The following ADAMTS5 variants were observed in gnomAD, a reference collection of about 807,000 sequenced individuals.
ADAMTS5 encodes ADAM metallopeptidase with thrombospondin type 1 motif 5, also known as A disintegrin and metalloproteinase with thrombospondin motifs 5.
ADAMTS5 carries 54 observed loss-of-function variants against 81.4 expected under a neutral mutation model. The ratio of observed to expected loss-of-function variants is 0.66; its 90% CI spans 0.53 to 0.83. ADAMTS5 has a LOEUF of 0.83. Ranked by LOEUF, ADAMTS5 falls within the 40% of genes least tolerant of loss-of-function variation. The pLI is 0.00. For missense variants in ADAMTS5, 1,194 were observed against 1,229.9 expected (o/e 0.97, Z 0.44); for synonymous variants, 532 against 508.8 (o/e 1.05, Z -0.61).
chr21:26,931,628 C>T (rs1986908198), intron 6 of ADAMTS5, among the ~76,000 whole-genome samples: 1 of 152,086 alleles, frequency 6.6e-6, no homozygotes, highest in Non-Finnish European at 1.5e-5. Flanking sequence ...TTAAGTAAAT[C>T]ATAGAAAAAT....
intron 5 of ADAMTS5, among the ~76,000 whole-genome samples, chr21:26,932,472 T>C (rs1016553838): frequency 6.6e-5 from 10 of 152,014 alleles, no homozygotes; most frequent in African/African-American, 2.2e-4. Flanking sequence ...GGAGGGTGGA[T>C]CACAAGGTCA....
At chr21:26,956,966 T>C (rs1181074662) in intron 1 of ADAMTS5, among the ~76,000 whole-genome samples, 1 of 152,174 alleles carries the variant, frequency 6.6e-6, no homozygotes, top group African/African-American at 2.4e-5. Context: ...GCACTTGTTA[T>C]TTTTTTAACC....
Position 26,923,479 on chromosome 21 carries a change from T to C in ADAMTS5, c.*574A>G, listed in dbSNP as rs1986739778. 6.5e-6 allele frequency: 1 copy of C among 152,738 alleles called. No individual in the cohort carries two copies. Among genetic ancestry groups the C allele is most frequent in the South Asian group, 2.1e-4 (1 of 4,840 alleles). 9.5% of individuals were successfully genotyped at this position (152,738 alleles called of 1,614,324 possible). A position where few individuals can be genotyped will look rare whatever the true frequency, so the allele number is the denominator to read the frequency against. Reference sequence around the variant, plus strand: ...TATCTCCTGTAGTCAGAAAATATACTACATCTTATTAAAACAGCAGCAAGT... The same window carrying C: ...TATCTCCTGTAGTCAGAAAATATACCACATCTTATTAAAACAGCAGCAAGT... On this transcript the variant is annotated 3_prime_UTR_variant, in exon 8 of 8. Coordinates refer to ENST00000284987, the MANE Select transcript of ADAMTS5 (RefSeq NM_007038.5).
intron 7 of ADAMTS5, among the ~76,000 whole-genome samples, chr21:26,927,391 C>T (rs898817335): frequency 2.0e-5 from 3 of 152,072 alleles, no homozygotes; most frequent in East Asian, 3.9e-4. Context: ...TGTACATTTA[C>T]GGTAGCCACC....
Position 26,943,477 on chromosome 21 carries a change from C to T in ADAMTS5, c.1308G>A (p.Lys436=). The T allele has an allele frequency of 6.2e-7, 1 of 1,613,738 alleles. No individual in the cohort carries two copies. Among genetic ancestry groups the T allele is most frequent in the Non-Finnish European group, 8.5e-7 (1 of 1,179,764 alleles). ...TGGTAAGGATGGAAGACATTAAGCG[C>T]TTATCTTCTGTGGAACCAAAGGTCT... ...CEETFGSTED[K]RLMSSILTSI... is the part of the protein sequence containing the mutation. Residue 436 remains lysine (K), a synonymous_variant, in exon 3 of 8, where the codon AAG becomes AAA. Coordinates refer to ENST00000284987, the MANE Select transcript of ADAMTS5 (RefSeq NM_007038.5).
chr21:26,959,399 G>T (rs1324603374), intron 1 of ADAMTS5, among the ~76,000 whole-genome samples: 1 of 152,096 alleles, frequency 6.6e-6, no homozygotes. Flanking sequence ...TTAAAGCTCA[G>T]GGGCATTAAA....
In ADAMTS5 at chr21:26,932,212, T is replaced by C. The variant is rs373897023; in HGVS notation, c.1874-33A>G. The C allele has an allele frequency of 1.4e-5, 22 of 1,593,920 alleles. 1 individual carries two copies. The highest frequency in any genetic ancestry group is 2.3e-5 in the South Asian group (2 of 87,440). ...ACAAACATGTTTCAGTATTACCTTA[T>C]CAGTTCTGAAACTTAGATATATTCT... On this transcript the variant is annotated intron_variant, in intron 5 of 7. Transcript: ENST00000284987.
At chr21:26,964,764 T>G (rs910197438) in intron 1 of ADAMTS5, among the ~76,000 whole-genome samples, 6 of 152,186 alleles carry the variant, frequency 3.9e-5, no homozygotes, top group African/African-American at 1.4e-4. Flanking sequence ...TTGAGAAAGT[T>G]TTCTCATCCT....
intron 3 of ADAMTS5, among the ~76,000 whole-genome samples, chr21:26,940,181 G>A (rs1987086819): frequency 6.6e-6 from 1 of 152,088 alleles, no homozygotes; most frequent in African/African-American, 2.4e-5. Flanking sequence ...CTCCAGTATT[G>A]CTGAAGGTGA....
In ADAMTS5 at chr21:26,918,322, C is replaced by T. The variant is rs1001254714; in HGVS notation, c.*5731G>A. On this transcript the variant is annotated 3_prime_UTR_variant, in exon 8 of 8. Transcript: ENST00000284987. The stretch of plus-strand genomic sequence containing the variant: ...GTATGTAAATCTTCAATGATTTTCT[C>T]TACCATCAAAGCAAGTTTCAAGGTT... 6.6e-6 allele frequency: 1 copy of T among 152,382 alleles called. No homozygotes were observed. Among genetic ancestry groups the T allele is most frequent in the Non-Finnish European group, 1.5e-5 (1 of 67,920 alleles). 9.4% of individuals were successfully genotyped at this position (152,382 alleles called of 1,614,324 possible). A position where few individuals can be genotyped will look rare whatever the true frequency, so the allele number is the denominator to read the frequency against.
chr21:26,952,123 A>G (rs1987331094), intron 2 of ADAMTS5, among the ~76,000 whole-genome samples: 1 of 152,194 alleles, frequency 6.6e-6, no homozygotes, highest in Admixed American at 6.5e-5. Flanking sequence ...TACAAAAGGG[A>G]AGTTAAATAG....
chr21:26,954,647 G>A, intron 2 of ADAMTS5, 92 bp downstream of exon 2: 2 of 1,539,096 alleles, frequency 1.3e-6, no homozygotes, highest in Non-Finnish European at 1.8e-6. Flanking sequence ...TGAACCAGGA[G>A]AAATCTGGAA....
In ADAMTS5 at chr21:26,932,112, T is replaced by C. The variant is rs1490332659; in HGVS notation, c.1941A>G (p.Lys647=). 1.9e-6 allele frequency: 3 copies of C among 1,614,032 alleles called. No homozygotes were observed. The highest frequency in any genetic ancestry group is 3.3e-5 in the Admixed American group (2 of 60,002). The change falls in exon 6 of 8, where the codon AAA becomes AAG. Residue 647 remains lysine (K), a synonymous_variant. Coordinates refer to ENST00000284987, the MANE Select transcript of ADAMTS5 (RefSeq NM_007038.5). ...NGYQSDAKGV[K]TFVEWVPKYA... is the part of the protein sequence containing the mutation. ...ATTTGGGAACCCATTCCACAAAAGT[T>C]TTGACTCCTTTTGCATCAGACTGAT... is the stretch of plus-strand genomic sequence containing the variant.
intron 1 of ADAMTS5, among the ~76,000 whole-genome samples, chr21:26,955,998 A>C (rs917716159): frequency 4.6e-5 from 7 of 152,204 alleles, no homozygotes; most frequent in Admixed American, 1.3e-4. Flanking sequence ...TCTCCAGCTT[A>C]TATAGTAGGA....
Position 26,932,054 on chromosome 21 carries a change from G to T in ADAMTS5, c.1999C>A (p.Leu667Met). ...CCAGTGCCCTTGGCTCTGCAGGTCA[G>T]CTTGCACACATCCGCTGGCAGGACA... ...AGVLPADVCK[L>M]TCRAKGTGYY... Residue 667 changes from leucine to methionine, a missense_variant, in exon 6 of 8, where the codon CTG (leucine) becomes ATG (methionine). By Grantham distance (15) the Leu-to-Met change is conservative. Around this residue, in one of 2 missense-constraint regions of ADAMTS5, gnomAD observed 696 missense variants for 817.6 expected, o/e 0.85. Coordinates refer to ENST00000284987, the MANE Select transcript of ADAMTS5 (RefSeq NM_007038.5). 15 of 1,614,176 alleles carry T rather than the reference G, an allele frequency of 9.3e-6. No homozygotes were observed. The highest frequency in any genetic ancestry group is 1.3e-5 in the Non-Finnish European group (15 of 1,180,026).
rs1469169448 is a variant in ADAMTS5, at chr21:26,966,163, T to A, written c.229A>T (p.Ile77Phe). 35 of 1,609,536 alleles carry A rather than the reference T, an allele frequency of 2.2e-5. No homozygotes were observed. The highest frequency in any genetic ancestry group is 3.0e-5 in the Non-Finnish European group (35 of 1,178,326). ...RRRSKGLVQN[I>F]DQLYSGGGKV... Reference sequence around the variant, plus strand: ...CCGCCGCCGGAGTAGAGTTGGTCGATGTTCTGCACCAGCCCCTTGCTCCTG... The same window carrying A: ...CCGCCGCCGGAGTAGAGTTGGTCGAAGTTCTGCACCAGCCCCTTGCTCCTG... Residue 77 changes from isoleucine (I) to phenylalanine (F), a missense_variant, in exon 1 of 8, where the codon ATC becomes TTC. Physicochemically the swap from Ile to Phe is conservative, Grantham distance 21. Around this residue, in one of 2 missense-constraint regions of ADAMTS5, gnomAD observed 498 missense variants for 412.3 expected, o/e 1.21. Transcript: ENST00000284987.
At chr21:26,962,604 A>T (rs1219400436) in intron 1 of ADAMTS5, among the ~76,000 whole-genome samples, 1 of 152,230 alleles carries the variant, frequency 6.6e-6, no homozygotes, top group Non-Finnish European at 1.5e-5. Context: ...CCTAAAAAAC[A>T]AGCAATTTAG....
intron 1 of ADAMTS5, among the ~76,000 whole-genome samples, chr21:26,961,233 T>G (rs1372287438): frequency 6.6e-6 from 1 of 152,242 alleles, no homozygotes; most frequent in Non-Finnish European, 1.5e-5. Context: ...AATTACACAA[T>G]GGTTACAGAT....
At chr21:26,938,891 A>G (rs1987065122) in intron 3 of ADAMTS5, among the ~76,000 whole-genome samples, 1 of 152,138 alleles carries the variant, frequency 6.6e-6, no homozygotes, top group South Asian at 2.1e-4. Context: ...CACTAACATT[A>G]TTTCCATCTT....
Sources: gnomAD v4.1 joint callset for allele counts (sites outside exome capture counted in the v4.1 genomes callset) on GRCh38, gnomAD v4.1.1 for gene constraint, gnomAD v4.1.1 regional missense constraint, MANE v1.5 for transcripts, NCBI Gene and HGNC (gene_info 2026-07-23, HGNC 2026-07-21) for gene names.